Variants in MAN1A1 observed in about 807,000 individuals in gnomAD.
MAN1A1 encodes the protein mannosidase alpha class 1A member 1, also known as mannosyl-oligosaccharide 1,2-alpha-mannosidase IA.
MAN1A1 carries 29 observed loss-of-function variants against 70.8 expected under a neutral mutation model. The observed-to-expected ratio is 0.41, with a 90% CI of 0.31 to 0.56. MAN1A1 has a LOEUF of 0.56. Ranked by LOEUF, MAN1A1 falls within the 20% of genes least tolerant of loss-of-function variation. The pLI is 0.29. For missense variants in MAN1A1, 747 were observed against 841.3 expected (o/e 0.89, Z 1.39); for synonymous variants, 349 against 330.1 (o/e 1.06, Z -0.62).
At chr6:119,201,427 G>A in intron 7 of MAN1A1, 80 bp from the exon 8 acceptor site, 1 of 918,948 alleles carries the variant, frequency 1.1e-6, no homozygotes, top group East Asian at 2.5e-5. Flanking sequence ...GAACATACAA[G>A]TTGACTTAAA....
At chr6:119,300,004 T>C (rs968476346) in intron 4 of MAN1A1, among the ~76,000 whole-genome samples, 2 of 152,134 alleles carry the variant, frequency 1.3e-5, no homozygotes, top group Non-Finnish European at 2.9e-5. Flanking sequence ...AATGCTACAA[T>C]TACCAGATGG....
intron 6 of MAN1A1, among the ~76,000 whole-genome samples, chr6:119,208,599 G>A (rs1021524731): frequency 6.6e-6 from 1 of 152,156 alleles, no homozygotes; most frequent in African/African-American, 2.4e-5. Context: ...TGGGCTTTAT[G>A]TGCTTTTCCT....
chr6:119,331,964 G>C (rs377106011), intron 2 of MAN1A1: 6 of 510,722 alleles, frequency 1.2e-5, no homozygotes, highest in African/African-American at 3.9e-5. Context: ...GGAGCTGCTC[G>C]ACCCTGGGCA....
intron 4 of MAN1A1, among the ~76,000 whole-genome samples, chr6:119,299,427 C>T (rs1772321546): frequency 6.6e-6 from 1 of 151,850 alleles, no homozygotes; most frequent in South Asian, 2.1e-4. Context: ...AGAAATATGG[C>T]TGTAATTTTT....
At chr6:119,203,452 A>G (rs980175228) in intron 7 of MAN1A1, among the ~76,000 whole-genome samples, 3 of 152,024 alleles carry the variant, frequency 2.0e-5, no homozygotes, top group Non-Finnish European at 4.4e-5. Flanking sequence ...GGTAGAGGAG[A>G]GGAGAGCCAG....
At chr6:119,261,041 C>A (rs1210889518) in intron 5 of MAN1A1, among the ~76,000 whole-genome samples, 2 of 130,520 alleles carry the variant, frequency 1.5e-5, no homozygotes, top group African/African-American at 5.9e-5. Flanking sequence ...TGCAGTGGTG[C>A]GATCTCGGCT....
chr6:119,257,226 G>C (rs919561750), intron 5 of MAN1A1, among the ~76,000 whole-genome samples: 1 of 152,198 alleles, frequency 6.6e-6, no homozygotes. Context: ...CGAGCAGGTG[G>C]AGAGCTAGAT....
In MAN1A1 at chr6:119,225,664, C is replaced by T. The variant is rs567002104; in HGVS notation, c.993-20782G>A. Among the ~76,000 whole-genome samples the T allele has an allele frequency of 2.6e-5, 4 of 152,160 alleles. No homozygotes were observed. The South Asian group carries it at 8.3e-4, about 32-fold the overall frequency. On this transcript the variant is annotated intron_variant, in intron 6 of 12. Transcript: ENST00000368468. ...CAGAAAATAAATAACACATTACATA[C>T]ATGGAAACAATGACAAGATTAATGG... is the stretch of plus-strand genomic sequence containing the variant.
chr6:119,333,333 T>C (rs1397336619), intron 2 of MAN1A1, among the ~76,000 whole-genome samples: 1 of 152,204 alleles, frequency 6.6e-6, no homozygotes, highest in Non-Finnish European at 1.5e-5. Flanking sequence ...TGGTAATGTA[T>C]GGAATTCACC....
chr6:119,307,934 T>C (rs964346301), intron 2 of MAN1A1, among the ~76,000 whole-genome samples: 11 of 152,184 alleles, frequency 7.2e-5, no homozygotes, highest in African/African-American at 2.4e-4. Context: ...TATCATTTTA[T>C]TAATAACAAA....
At chr6:119,247,711 G>T (rs1775205068) in intron 6 of MAN1A1, among the ~76,000 whole-genome samples, 1 of 152,138 alleles carries the variant, frequency 6.6e-6, no homozygotes, top group African/African-American at 2.4e-5. Context: ...CCACCAAAGA[G>T]GATGAGAAGG....
intron 8 of MAN1A1, among the ~76,000 whole-genome samples, chr6:119,194,635 G>A (rs952141517): frequency 1.3e-5 from 2 of 152,048 alleles, no homozygotes; most frequent in Non-Finnish European, 2.9e-5. Flanking sequence ...ATTATTATTT[G>A]ATAAATTTTC....
In MAN1A1 at chr6:119,193,854, C is replaced by T; in HGVS notation, c.1249G>A (p.Glu417Lys). The change falls in exon 9 of 13, where the codon GAG (glutamate) becomes AAG (lysine). Residue 417 changes from glutamate (E) to lysine (K), a missense_variant. Coordinates refer to ENST00000368468, the MANE Select transcript of MAN1A1 (RefSeq NM_005907.4). ...SVGGLGDSFYEYLLKAWLMSD... is the reference protein window; with the variant it reads ...SVGGLGDSFYKYLLKAWLMSD... ...ATTAACCAGGCCTTCAGCAAATACTCATAGAAGCTGTCTCCAAGTCCTCCA... is the reference window on the plus strand; with the variant it reads ...ATTAACCAGGCCTTCAGCAAATACTTATAGAAGCTGTCTCCAAGTCCTCCA... The T allele has an allele frequency of 1.2e-6, 2 of 1,613,466 alleles. No individual in the cohort carries two copies. The highest frequency in any genetic ancestry group is 1.7e-6 in the Non-Finnish European group (2 of 1,179,672).
At chr6:119,264,968 T>C (rs897734271) in intron 5 of MAN1A1, among the ~76,000 whole-genome samples, 2 of 152,194 alleles carry the variant, frequency 1.3e-5, no homozygotes, top group African/African-American at 4.8e-5. Context: ...GCCAATACTG[T>C]AGATTTGGAA....
chr6:119,285,986 C>A (rs1776363302), intron 5 of MAN1A1, among the ~76,000 whole-genome samples: 1 of 152,164 alleles, frequency 6.6e-6, no homozygotes. Flanking sequence ...GATACATTTC[C>A]ATCCAAAGCC....
At chr6:119,236,229 C>T (rs1450781753) in intron 6 of MAN1A1, among the ~76,000 whole-genome samples, 1 of 151,344 alleles carries the variant, frequency 6.6e-6, no homozygotes, top group Admixed American at 6.6e-5. Context: ...ATATTTATAA[C>T]ATGGCTTACT....
At chr6:119,330,297 C>T (rs1773273782) in intron 2 of MAN1A1, among the ~76,000 whole-genome samples, 1 of 152,070 alleles carries the variant, frequency 6.6e-6, no homozygotes, top group Admixed American at 6.6e-5. Context: ...CATCCATTAC[C>T]CCTCTCCACT....
intron 6 of MAN1A1, among the ~76,000 whole-genome samples, chr6:119,242,733 G>T (rs915343818): frequency 6.6e-6 from 1 of 152,040 alleles, no homozygotes; most frequent in African/African-American, 2.4e-5. Flanking sequence ...GTCAAGATAG[G>T]CATTATTATT....
Position 119,267,457 on chromosome 6 carries a change from G to T in MAN1A1, c.898-19103C>A, listed in dbSNP as rs149835410. Among the ~76,000 whole-genome samples the T allele has an allele frequency of 5.0e-4, 76 of 152,308 alleles. 1 individual carries two copies. In the East Asian group the frequency reaches 0.013, roughly 26 times the overall value. On this transcript the variant is annotated intron_variant, in intron 5 of 12. Coordinates refer to ENST00000368468, the MANE Select transcript of MAN1A1 (RefSeq NM_005907.4). ...AAAATATATCTCAAGATGTAAGGCA[G>T]ATTCCACTAAGCTTGACTTTCTAAA...
Sources: allele counts gnomAD v4.1 joint callset (sites outside exome capture counted in the v4.1 genomes callset), GRCh38; gene constraint gnomAD v4.1.1; transcripts MANE v1.5; gene names NCBI Gene and HGNC (gene_info 2026-07-23, HGNC 2026-07-21).